The following MTPAP variants were observed in gnomAD, a reference collection of about 807,000 sequenced individuals.
The protein encoded by MTPAP is poly(A) RNA polymerase, mitochondrial.
A neutral mutation model predicts 48.7 loss-of-function variants in MTPAP; 23 were observed. The ratio of observed to expected loss-of-function variants is 0.47; its 90% CI spans 0.34 to 0.67. The LOEUF (loss-of-function observed/expected upper bound fraction) is 0.67, where lower values mean the gene tolerates loss of function less well. Ranked by LOEUF, MTPAP falls within the 30% of genes least tolerant of loss-of-function variation. The pLI, the probability that MTPAP is intolerant of heterozygous loss-of-function variation, is 0.01. For missense variants in MTPAP, 614 were observed against 694.3 expected (o/e 0.88, Z 1.30); for synonymous variants, 257 against 254.1 (o/e 1.01, Z -0.11).
intron 2 of MTPAP, 35 bp downstream of exon 2, chr10:30,341,433 T>A: frequency 6.3e-7 from 1 of 1,598,118 alleles, no homozygotes. Context: ...TTGAAAAGCA[T>A]AAACGTTAAG....
chr10:30,322,732 A>C (rs1214421872), intron 5 of MTPAP, 115 bp from the exon 6 acceptor site: 2 of 746,910 alleles, frequency 2.7e-6, no homozygotes, highest in African/African-American at 3.5e-5. Context: ...GAATGTATTC[A>C]GAACATCATT....
At chr10:30,324,472 T>C (rs1197821951) in intron 5 of MTPAP, among the ~76,000 whole-genome samples, 2 of 151,990 alleles carry the variant, frequency 1.3e-5, no homozygotes, top group African/African-American at 4.8e-5. Context: ...GAGGATTGTT[T>C]GGGCCCAAGA....
At chr10:30,337,108 T>C in intron 3 of MTPAP, 81 bp from the exon 4 acceptor site, 1 of 1,234,782 alleles carries the variant, frequency 8.1e-7, no homozygotes, top group Non-Finnish European at 1.2e-6. Flanking sequence ...TTCAAAGATT[T>C]GGTGGCGTTG....
chr10:30,345,398 C>T (rs1029493058), intron 1 of MTPAP, among the ~76,000 whole-genome samples: 2 of 152,090 alleles, frequency 1.3e-5, no homozygotes, highest in Non-Finnish European at 2.9e-5. Context: ...TATGCAATGT[C>T]TTTGCACATT....
chr10:30,329,654 C>T (rs1028355267), intron 4 of MTPAP, among the ~76,000 whole-genome samples: 4 of 151,978 alleles, frequency 2.6e-5, no homozygotes, highest in Admixed American at 2.0e-4. Context: ...TAAGCTAACT[C>T]GTGTTATTTC....
At chr10:30,337,115 G>A (rs773354832) in intron 3 of MTPAP, 88 bp from the exon 4 acceptor site, 87 of 1,117,936 alleles carry the variant, frequency 7.8e-5, no homozygotes, top group South Asian at 1.3e-4. Context: ...ATTTGGTGGC[G>A]TTGAAGACCT....
chr10:30,345,678 C>T (rs751933472), intron 1 of MTPAP, among the ~76,000 whole-genome samples: 3 of 152,156 alleles, frequency 2.0e-5, no homozygotes, highest in Non-Finnish European at 4.4e-5. Flanking sequence ...CTAATAAGTG[C>T]TAATATTTTA....
chr10:30,325,565 G>A (rs894880637), intron 5 of MTPAP, among the ~76,000 whole-genome samples: 2 of 152,004 alleles, frequency 1.3e-5, no homozygotes, highest in Admixed American at 1.3e-4. Context: ...TGGCCAACAG[G>A]GTGAAACCCC....
intron 2 of MTPAP, among the ~76,000 whole-genome samples, chr10:30,340,804 A>G (rs1490658809): frequency 6.6e-6 from 1 of 152,128 alleles, no homozygotes; most frequent in Admixed American, 6.6e-5. Flanking sequence ...CTGTAAGTCC[A>G]GCTACTTGGA....
intron 5 of MTPAP, among the ~76,000 whole-genome samples, chr10:30,323,880 TTTATAA>T (rs1456080119): frequency 9.2e-5 from 14 of 152,218 alleles, no homozygotes; most frequent in African/African-American, 3.1e-4. Flanking sequence ...ACAAAGGCGC[TTTATAA>T]TTATTAATAA....
At chr10:30,346,183 TCTTAA>T (rs1294796518) in intron 1 of MTPAP, among the ~76,000 whole-genome samples, 1 of 152,144 alleles carries the variant, frequency 6.6e-6, no homozygotes, top group Non-Finnish European at 1.5e-5. Context: ...CATAGGAATG[TCTTAA>T]CTTCTGGATT....
chr10:30,343,405 CAA>C (rs1235833038), intron 1 of MTPAP, among the ~76,000 whole-genome samples: 7,045 of 89,594 alleles, frequency 0.079, 525 homozygotes, highest in African/African-American at 0.22. Flanking sequence ...GAGACTGTCT[CAA>C]AAAAAAAAAA....
At chr10:30,334,681 A>C (rs1834708030) in intron 4 of MTPAP, among the ~76,000 whole-genome samples, 1 of 152,086 alleles carries the variant, frequency 6.6e-6, no homozygotes, top group Non-Finnish European at 1.5e-5. Flanking sequence ...AAATAAAAAC[A>C]ATGTAGTTGG....
Position 30,332,981 on chromosome 10 carries a change from C to T in MTPAP, c.780+3822G>A, listed in dbSNP as rs370109905. ...CTAAAAATACAAAAAATTAGCTGGG[C>T]GTGGTGGCGGGCGCCTGTAGTCCCA... is the stretch of plus-strand genomic sequence containing the variant. On this transcript the variant is annotated intron_variant, in intron 4 of 8. Transcript: ENST00000263063. Among the ~76,000 whole-genome samples, 789 of 151,092 alleles carry T rather than the reference C, an allele frequency of 5.2e-3. 6 individuals are homozygous for T. The highest frequency in any genetic ancestry group is 0.013 in the African/African-American group (538 of 41,096).
At chr10:30,341,749 A>C in intron 1 of MTPAP, 109 bp from the exon 2 acceptor site, 1 of 1,143,190 alleles carries the variant, frequency 8.7e-7, no homozygotes, top group Non-Finnish European at 1.3e-6. Context: ...AACTTCACCT[A>C]ATCTATTTTT....
Position 30,316,029 on chromosome 10 carries a change from T to C in MTPAP, c.1320A>G (p.Leu440=), listed in dbSNP as rs2132844060. 1 of 1,611,570 alleles carries C rather than the reference T, an allele frequency of 6.2e-7. No individual in the cohort carries two copies. Among genetic ancestry groups the C allele is most frequent in the Non-Finnish European group, 8.5e-7 (1 of 1,178,216 alleles). Residue 440 remains leucine, a synonymous_variant, in exon 8 of 9, where the codon CTA becomes CTG. Transcript: ENST00000263063. ...CAAAATACTCAAAAAATTCCTTCAG[T>C]AGTAATTCTGTAAGAAAATAAAACA... The part of the protein sequence containing the change: ...PSQNTETLEL[L]LKEFFEYFGN...
At chr10:30,322,336 A>C in intron 6 of MTPAP, 55 bp downstream of exon 6, 3 of 1,341,778 alleles carry the variant, frequency 2.2e-6, no homozygotes. Context: ...CATGGTAATT[A>C]TATTTACTCA....
chr10:30,341,543 T>A lies in MTPAP; in HGVS notation c.255A>T (p.Lys85Asn), dbSNP rs142774512. The A allele has an allele frequency of 3.5e-5, 57 of 1,614,136 alleles. No individual in the cohort carries two copies. Among genetic ancestry groups the A allele is most frequent in the Non-Finnish European group, 4.6e-5 (54 of 1,179,980 alleles). ...ATTTAAGAAACTTGTTTTCACTGAT[T>A]TTCTCTGGGCAATGTATTAAAACAG... ...QRTVLIHCPE[K>N]ISENKFLKYL... Residue 85 changes from lysine to asparagine, a missense_variant, in exon 2 of 9, where the codon AAA becomes AAT. Lys to Asn is a moderately conservative substitution (Grantham distance 94, BLOSUM62 0). Transcript: ENST00000263063.
Position 30,326,483 on chromosome 10 carries a change from C to T in MTPAP, c.933G>A (p.Pro311=), listed in dbSNP as rs562617019. Residue 311 remains proline (P), a synonymous_variant, in exon 5 of 9, where the codon CCG becomes CCA. Transcript: ENST00000263063. The part of the protein sequence containing the change: ...GVQKILNARC[P]LVRFSHQASG... ...AGGCCTGGTGTGAGAACCTCACGAG[C>T]GGACACCGGGCATTTAATATTTTTT... The T allele has an allele frequency of 2.3e-5, 37 of 1,614,064 alleles. No individual in the cohort carries two copies. Among genetic ancestry groups the T allele is most frequent in the Middle Eastern group, 1.6e-4 (1 of 6,062 alleles).
Sources: allele counts gnomAD v4.1 joint callset (sites outside exome capture counted in the v4.1 genomes callset), GRCh38; gene constraint gnomAD v4.1.1; transcripts MANE v1.5; gene names NCBI Gene and HGNC (gene_info 2026-07-23, HGNC 2026-07-21).